The following MTA3 variants were observed in gnomAD, a reference collection of about 807,000 sequenced individuals.
MTA3 encodes the protein metastasis-associated protein MTA3.
Under a neutral mutation model 83.5 loss-of-function variants are expected in MTA3, and 34 were observed. That is an observed-to-expected ratio of 0.41 (90% CI 0.31 to 0.54). The LOEUF is 0.54. MTA3 is among the 20% of genes least tolerant of loss of function. The probability of loss-of-function intolerance (pLI) is 0.33; values close to 1 mark genes in which losing one functional copy is unlikely to be tolerated. For synonymous variants in MTA3, 303 were observed against 252.7 expected, an observed-to-expected ratio of 1.20 and a Z score of -1.89; for missense variants, 761 against 726.4, an observed-to-expected ratio of 1.05 and a Z score of -0.55.
upstream of MTA3, among the ~76,000 whole-genome samples, chr2:42,566,491 G>C (rs1677915290): frequency 6.6e-6 from 1 of 152,058 alleles, no homozygotes; most frequent in African/African-American, 2.4e-5. Context: ...AGAATCTAGA[G>C]CAAAAAACGG....
chr2:42,510,370 G>A lies in MTA3; in HGVS notation c.-141+15116G>A, dbSNP rs574883186. Reference sequence around the variant, plus strand: ...CCTCGTTTAGCTGGCCCCAATCCTGGGTCAATGAGTACCCCTGTTATTCCT... The same window carrying A: ...CCTCGTTTAGCTGGCCCCAATCCTGAGTCAATGAGTACCCCTGTTATTCCT... On this transcript the variant is annotated intron_variant, in intron 2 of 17. Coordinates refer to the MTA3 transcript ENST00000405592. 7.9e-5 allele frequency among the ~76,000 whole-genome samples: 12 copies of A among 150,970 alleles called. No homozygotes were observed. In the South Asian group the frequency reaches 1.9e-3, roughly 24 times the overall value.
chr2:42,660,362 C>T (rs1689572654), intron 8 of MTA3, among the ~76,000 whole-genome samples: 1 of 152,208 alleles, frequency 6.6e-6, no homozygotes, highest in African/African-American at 2.4e-5. Flanking sequence ...GCTGGGATTA[C>T]AGGCATGAGC....
At chr2:42,652,758 G>A (rs1688831517) in intron 6 of MTA3, among the ~76,000 whole-genome samples, 1 of 152,118 alleles carries the variant, frequency 6.6e-6, no homozygotes, top group East Asian at 1.9e-4. Context: ...TTGTCAAAAT[G>A]AATGTGACTT....
At chr2:42,509,668 G>A (rs1674806170) in intron 2 of MTA3, among the ~76,000 whole-genome samples, 1 of 152,078 alleles carries the variant, frequency 6.6e-6, no homozygotes, top group Non-Finnish European at 1.5e-5. Context: ...CTACTTGGGA[G>A]GCTGAGGTGG....
rs370442122 is a variant in MTA3 at position 42,559,823 on chromosome 2, G to A, written c.-140-10614G>A. Among the ~76,000 whole-genome samples, 31 of 148,012 alleles carry A rather than the reference G, an allele frequency of 2.1e-4. 1 individual carries two copies. The South Asian group carries it at 6.5e-3, about 31-fold the overall frequency. On this transcript the variant is annotated intron_variant, in intron 2 of 17. Transcript: ENST00000405592. The stretch of plus-strand genomic sequence containing the variant: ...CCCGGGGCGGGGGGCGGGCAGGGGG[G>A]TGCGGTGGAGGTTGCAGTAAGCCGA...
At chr2:42,697,716 A>G (rs1342177441) in intron 10 of MTA3, 60 bp from the exon 11 acceptor site, 10 of 1,147,434 alleles carry the variant, frequency 8.7e-6, no homozygotes, top group Admixed American at 5.7e-5. Context: ...TTTTAAGACA[A>G]TGAACAGTAG....
At chr2:42,737,997 C>T (rs1167993397) in intron 16 of MTA3, among the ~76,000 whole-genome samples, 1 of 152,170 alleles carries the variant, frequency 6.6e-6, no homozygotes, top group African/African-American at 2.4e-5. Flanking sequence ...AGTGATGGCA[C>T]ATATCTGTAA....
At chr2:42,498,542 C>T (rs1479421075) in intron 2 of MTA3, among the ~76,000 whole-genome samples, 1 of 152,112 alleles carries the variant, frequency 6.6e-6, no homozygotes, top group African/African-American at 2.4e-5. Flanking sequence ...TACATACTTA[C>T]GGGGGAGGCG....
At chr2:42,725,445 T>C (rs1300713512) in intron 16 of MTA3, among the ~76,000 whole-genome samples, 2 of 152,214 alleles carry the variant, frequency 1.3e-5, no homozygotes, top group African/African-American at 4.8e-5. Flanking sequence ...GTAGAAACTA[T>C]ATAAGTTATT....
At chr2:42,609,111 A>G (rs182711615) in intron 3 of MTA3, among the ~76,000 whole-genome samples, 1 of 150,834 alleles carries the variant, frequency 6.6e-6, no homozygotes, top group East Asian at 2.0e-4. Context: ...GCTGACTGCA[A>G]ACTCCACCCC....
At chr2:42,716,985 G>C (rs533330728) in intron 14 of MTA3, among the ~76,000 whole-genome samples, 2 of 152,054 alleles carry the variant, frequency 1.3e-5, no homozygotes, top group Admixed American at 1.3e-4. Flanking sequence ...TGTTTTCTCT[G>C]CCAGCATCTG....
intron 2 of MTA3, among the ~76,000 whole-genome samples, chr2:42,524,827 CAA>C (rs59653736): frequency 4.0e-4 from 50 of 126,406 alleles, no homozygotes; most frequent in Admixed American, 8.5e-4. Flanking sequence ...ATCTAGCATC[CAA>C]AAAAAAAAAA....
rs1044101158 is a variant in MTA3 at position 42,608,680 on chromosome 2, C to T, written c.191-778C>T. Among the ~76,000 whole-genome samples the T allele has an allele frequency of 5.9e-5, 9 of 152,242 alleles. No individual in the cohort carries two copies. The South Asian group carries it at 6.2e-4, about 11-fold the overall frequency. On this transcript the variant is annotated intron_variant, in intron 3 of 16. Coordinates refer to ENST00000405094, the MANE Select transcript of MTA3 (RefSeq NM_001330442.2). ...GGCAGATCACTTGAGCCCAGGAGTT[C>T]GAGACCAGCCTGGGCAACATGGTGT...
chr2:42,713,360 G>A (rs201889366), intron 14 of MTA3, among the ~76,000 whole-genome samples: 2 of 18,550 alleles, frequency 1.1e-4, no homozygotes, highest in South Asian at 8.9e-3. Context: ...AAGTTAATGA[G>A]TATAAGCTTT....
At chr2:42,526,753 C>T (rs1447289563) in intron 2 of MTA3, among the ~76,000 whole-genome samples, 1 of 151,988 alleles carries the variant, frequency 6.6e-6, no homozygotes, top group Non-Finnish European at 1.5e-5. Context: ...GGGCTAATGA[C>T]ATAAATTTCA....
chr2:42,530,766 CAA>C (rs994743083), intron 2 of MTA3, among the ~76,000 whole-genome samples: 3 of 152,050 alleles, frequency 2.0e-5, no homozygotes, highest in Non-Finnish European at 4.4e-5. Flanking sequence ...GCCTGGGCGA[CAA>C]GAGTGAAACT....
intron 3 of MTA3, among the ~76,000 whole-genome samples, chr2:42,595,598 C>T (rs1681698575): frequency 6.6e-6 from 1 of 152,120 alleles, no homozygotes; most frequent in Non-Finnish European, 1.5e-5. Context: ...TTTAACCTTA[C>T]ATTTTTCCGT....
chr2:42,636,006 C>T (rs1174464858), intron 4 of MTA3, among the ~76,000 whole-genome samples: 1 of 152,092 alleles, frequency 6.6e-6, no homozygotes, highest in Non-Finnish European at 1.5e-5. Flanking sequence ...TGAGCTCAGG[C>T]AATCTGCCCG....
In MTA3 at chr2:42,719,015, G is replaced by C; in HGVS notation, c.1553G>C (p.Gly518Ala). The C allele has an allele frequency of 6.4e-7, 1 of 1,550,416 alleles. No homozygotes were observed. The highest frequency in any genetic ancestry group is 8.7e-7 in the Non-Finnish European group (1 of 1,146,904). The change falls in exon 15 of 17, where the codon GGA becomes GCA. Residue 518 changes from glycine to alanine, a missense_variant. By Grantham distance (60) the Gly-to-Ala change is moderately conservative. Coordinates refer to ENST00000405094, the MANE Select transcript of MTA3 (RefSeq NM_001330442.2). Reference protein sequence around the residue: ...EYADRHAELSGSPLKSKSTRK... With the variant: ...EYADRHAELSASPLKSKSTRK... ...GCAGACAGACATGCTGAACTATCTGGAAGTCCACTGAAAAGCAAAAGCACT... is the reference window on the plus strand; with the variant it reads ...GCAGACAGACATGCTGAACTATCTGCAAGTCCACTGAAAAGCAAAAGCACT...
Sources: gnomAD v4.1 joint callset for allele counts (sites outside exome capture counted in the v4.1 genomes callset) on GRCh38, gnomAD v4.1.1 for gene constraint, MANE v1.5 for transcripts, NCBI Gene and HGNC (gene_info 2026-07-23, HGNC 2026-07-21) for gene names.